The following PPP2CB variants were observed in gnomAD, a reference collection of about 807,000 sequenced individuals.
PPP2CB encodes serine/threonine-protein phosphatase 2A catalytic subunit beta isoform.
In PPP2CB, 18 loss-of-function variants were observed where a neutral mutation model predicts 39.1. That is an observed-to-expected ratio of 0.46 (90% CI 0.32 to 0.68). The LOEUF (loss-of-function observed/expected upper bound fraction) is 0.68. PPP2CB is among the 30% of genes least tolerant of loss of function. PPP2CB has a pLI of 0.04. For synonymous variants in PPP2CB, 129 were observed against 133.8 expected (o/e 0.96, Z 0.25); for missense variants, 226 against 396.9 (o/e 0.57, Z 3.66).
Position 30,785,800 on chromosome 8 carries a change from T to C in PPP2CB, c.*435A>G, listed in dbSNP as rs989118453. On this transcript the variant is annotated 3_prime_UTR_variant, in exon 7 of 7. Transcript: ENST00000221138. The stretch of plus-strand genomic sequence containing the variant: ...GAACCTTTTCTTCAGTTAAGTTAAT[T>C]ATACATTTCAATAAAATAAAGGATA... 2 of 303,294 alleles carry C rather than the reference T, an allele frequency of 6.6e-6. No homozygotes were observed. The highest frequency in any genetic ancestry group is 4.4e-5 in the African/African-American group (2 of 44,992). 18.8% of individuals were successfully genotyped at this position (303,294 alleles called of 1,614,324 possible).
At chr8:30,786,773 C>T (rs1041295536) in intron 6 of PPP2CB, among the ~76,000 whole-genome samples, 2 of 150,762 alleles carry the variant, frequency 1.3e-5, no homozygotes, top group Non-Finnish European at 2.9e-5. Context: ...ATACCATTCT[C>T]CTGCCTCAGC....
At chr8:30,786,379 A>C in intron 6 of PPP2CB, 72 bp from the exon 7 acceptor site, 2 of 1,267,808 alleles carry the variant, frequency 1.6e-6, no homozygotes, top group Non-Finnish European at 2.2e-6. Flanking sequence ...AAAGAACAAG[A>C]CACTGTAGTA....
intron 1 of PPP2CB, among the ~76,000 whole-genome samples, chr8:30,801,446 A>G (rs905821264): frequency 6.6e-6 from 1 of 151,984 alleles, no homozygotes; most frequent in East Asian, 1.9e-4. Context: ...GCAGGAGAAT[A>G]TGACATGAAC....
At chr8:30,798,917 G>A (rs1490917682) in intron 2 of PPP2CB, among the ~76,000 whole-genome samples, 1 of 152,234 alleles carries the variant, frequency 6.6e-6, no homozygotes, top group South Asian at 2.1e-4. Context: ...GGGGGAAATC[G>A]ACTATGGAAA....
At chr8:30,799,172 T>A (rs2128761585) in intron 2 of PPP2CB, among the ~76,000 whole-genome samples, 1 of 152,218 alleles carries the variant, frequency 6.6e-6, no homozygotes, top group East Asian at 1.9e-4. Context: ...GGCAGAAATA[T>A]TAGTTACTAA....
At chr8:30,793,704 T>C (rs1026488419) in intron 5 of PPP2CB, 8 of 455,632 alleles carry the variant, frequency 1.8e-5, no homozygotes, top group Non-Finnish European at 3.1e-5. Context: ...GGTACTATTT[T>C]TGTAACTTTT....
intron 5 of PPP2CB, among the ~76,000 whole-genome samples, chr8:30,792,027 T>A (rs115645232): frequency 0.023 from 3,468 of 152,062 alleles, 130 homozygotes; most frequent in African/African-American, 0.078. Context: ...TGTGTATATA[T>A]GTATACATAT....
chr8:30,794,196 T>C lies in PPP2CB; in HGVS notation c.572A>G (p.His191Arg). ...TCTTTTTTAAATTAAGTTTACCTCA[T>C]GTGGAACTTCCTGTAAACGATCCAG... ...RALDRLQEVP[H>R]EGPMCDLLWS... The change falls in exon 4 of 7, where the codon CAT (histidine) becomes CGT (arginine). Residue 191 changes from histidine to arginine, a missense_variant. Around this residue, in one of 4 missense-constraint regions of PPP2CB, gnomAD observed 110 missense variants for 244.1 expected, o/e 0.45. Coordinates refer to ENST00000221138, the MANE Select transcript of PPP2CB (RefSeq NM_001009552.2). The C allele has an allele frequency of 6.2e-7, 1 of 1,613,594 alleles. No individual in the cohort carries two copies.
intron 1 of PPP2CB, among the ~76,000 whole-genome samples, chr8:30,805,266 G>C (rs1206832065): frequency 6.6e-6 from 1 of 152,136 alleles, no homozygotes; most frequent in East Asian, 1.9e-4. Context: ...CTCTCTATAA[G>C]ATGGGATTTT....
intron 6 of PPP2CB, among the ~76,000 whole-genome samples, chr8:30,789,339 T>G (rs1806393184): frequency 6.6e-6 from 1 of 152,212 alleles, no homozygotes. Flanking sequence ...CGTTTTTACT[T>G]CTTTTAATCT....
rs1428445767 is a variant in PPP2CB, at chr8:30,807,035, T to G, written c.102+5285A>C. The stretch of plus-strand genomic sequence containing the variant: ...TCTAGTTTGGTTTAATTTCTTTACC[T>G]GTCCACTAAGAGGCTGGCTTAGCAA... On this transcript the variant is annotated intron_variant, in intron 1 of 6. Transcript: ENST00000221138. Among the ~76,000 whole-genome samples, 3 of 152,240 alleles carry G rather than the reference T, an allele frequency of 2.0e-5. No homozygotes were observed. The East Asian group carries it at 5.8e-4, about 29-fold the overall frequency.
chr8:30,806,590 T>C (rs1371435874), intron 1 of PPP2CB, among the ~76,000 whole-genome samples: 1 of 152,218 alleles, frequency 6.6e-6, no homozygotes, highest in Non-Finnish European at 1.5e-5. Context: ...TTAATATCAT[T>C]CTTCTTAGAA....
chr8:30,812,640 C>A lies in PPP2CB; in HGVS notation c.-219G>T. 2.6e-6 allele frequency: 1 copy of A among 382,472 alleles called. No homozygotes were observed. Among genetic ancestry groups the A allele is most frequent in the Non-Finnish European group, 4.7e-6 (1 of 213,320 alleles). 23.7% of individuals were successfully genotyped at this position (382,472 alleles called of 1,614,324 possible). A position where few individuals can be genotyped will look rare whatever the true frequency, so the allele number is the denominator to read the frequency against. On this transcript the variant is annotated 5_prime_UTR_variant, in exon 1 of 7. Transcript: ENST00000221138. ...CCGAGCGCGCAGCCTGGAGGAGACC[C>A]CCGCCCGCCCTTCCCCGCCCGGCCG...
intron 3 of PPP2CB, 57 bp from the exon 4 acceptor site, chr8:30,794,338 CAA>C: frequency 7.2e-7 from 1 of 1,398,176 alleles, no homozygotes. Flanking sequence ...AAACAGTTAA[CAA>C]AGAGTAAATA....
At chr8:30,802,979 C>T (rs752261349) in intron 1 of PPP2CB, among the ~76,000 whole-genome samples, 7 of 152,110 alleles carry the variant, frequency 4.6e-5, no homozygotes, top group Admixed American at 1.3e-4. Flanking sequence ...CTTAGCAACA[C>T]GCAGAAACTT....
intron 1 of PPP2CB, 64 bp downstream of exon 1, chr8:30,812,256 G>A (rs944454035): frequency 3.1e-6 from 4 of 1,271,440 alleles, no homozygotes; most frequent in South Asian, 1.7e-5. Flanking sequence ...GGACCGGGGC[G>A]GGCAGGAAAG....
rs61008015 is a variant in PPP2CB at position 30,786,039 on chromosome 8, T to A, written c.*196A>T. The A allele has an allele frequency of 3.7e-3, 2,542 of 680,756 alleles. 42 individuals carry two copies. In the African/African-American group the frequency reaches 0.038, roughly 10 times the overall value. 42.2% of individuals were successfully genotyped at this position (680,756 alleles called of 1,614,324 possible). A position where few individuals can be genotyped will look rare whatever the true frequency, so the allele number is the denominator to read the frequency against. On this transcript the variant is annotated 3_prime_UTR_variant, in exon 7 of 7. Coordinates refer to ENST00000221138, the MANE Select transcript of PPP2CB (RefSeq NM_001009552.2). ...TAGACTGACCTAGAACATAGTGTAC[T>A]AAATTTCAGTCTCAAATTGTGCTAA... is the stretch of plus-strand genomic sequence containing the variant.
At chr8:30,788,374 C>T (rs1347283685) in intron 6 of PPP2CB, among the ~76,000 whole-genome samples, 1 of 152,102 alleles carries the variant, frequency 6.6e-6, no homozygotes, top group Non-Finnish European at 1.5e-5. Flanking sequence ...AGTGATCCTC[C>T]ATCTCAGCCT....
chr8:30,804,427 G>A (rs956091609), intron 1 of PPP2CB, among the ~76,000 whole-genome samples: 11 of 152,130 alleles, frequency 7.2e-5, no homozygotes, highest in African/African-American at 2.7e-4. Flanking sequence ...CTCACGATGC[G>A]GACTTTGGAT....
Sources: gnomAD v4.1 joint callset for allele counts (sites outside exome capture counted in the v4.1 genomes callset) on GRCh38, gnomAD v4.1.1 for gene constraint, gnomAD v4.1.1 regional missense constraint, MANE v1.5 for transcripts, NCBI Gene and HGNC (gene_info 2026-07-23, HGNC 2026-07-21) for gene names.